The following PREX2 variants were observed in gnomAD, a reference collection of about 807,000 sequenced individuals.
PREX2 encodes phosphatidylinositol-3,4,5-trisphosphate dependent Rac exchange factor 2.
In PREX2, 107 loss-of-function variants were observed where a neutral mutation model predicts 203.2. The ratio of observed to expected loss-of-function variants is 0.53; its 90% CI spans 0.45 to 0.62. The LOEUF (loss-of-function observed/expected upper bound fraction) is 0.62, where lower values mean the gene tolerates loss of function less well. Ranked by LOEUF, PREX2 falls within the 20% of genes least tolerant of loss-of-function variation. The pLI is 0.00. For missense variants in PREX2, 1,777 were observed against 1,955.9 expected (o/e 0.91, Z 1.72); for synonymous variants, 672 against 663.6 (o/e 1.01, Z -0.19).
chr8:68,108,931 T>TGAAATAAGCCA (rs1312245181), intron 24 of PREX2: 2 of 328,230 alleles, frequency 6.1e-6, no homozygotes, highest in African/African-American at 4.4e-5. Context: ...TATGTTAAAG[T>TGAAATAAGCCA]GAAATAAGCC....
intron 32 of PREX2, among the ~76,000 whole-genome samples, chr8:68,134,547 C>T (rs1052543463): frequency 3.9e-5 from 6 of 152,176 alleles, no homozygotes; most frequent in African/African-American, 9.7e-5. Flanking sequence ...TATCCCTACA[C>T]GCTGACTGGA....
chr8:68,160,582 T>C (rs1055068774), intron 35 of PREX2, among the ~76,000 whole-genome samples: 7 of 152,158 alleles, frequency 4.6e-5, no homozygotes, highest in African/African-American at 1.7e-4. Context: ...CTAATATGTC[T>C]GTCTTGGACT....
intron 14 of PREX2, 94 bp downstream of exon 14, chr8:68,072,664 C>T: frequency 1.4e-6 from 1 of 708,482 alleles, no homozygotes; most frequent in Non-Finnish European, 2.5e-6. Context: ...TCATCTGTAG[C>T]AGGCATTTAA....
At chr8:68,217,852 A>G (rs1812874081) in intron 38 of PREX2, 134 bp downstream of exon 38, 5 of 521,904 alleles carry the variant, frequency 9.6e-6, no homozygotes, top group South Asian at 5.8e-5. Context: ...TAACTCATGA[A>G]TGAGAAATGC....
chr8:68,138,361 C>A, intron 32 of PREX2, 54 bp from the exon 33 acceptor site: 1 of 931,140 alleles, frequency 1.1e-6, no homozygotes, highest in Non-Finnish European at 1.6e-6. Flanking sequence ...TGTCATGTTA[C>A]GTTATATTGC....
chr8:68,023,292 A>G (rs1807622548), intron 4 of PREX2, among the ~76,000 whole-genome samples: 3 of 152,104 alleles, frequency 2.0e-5, no homozygotes, highest in Admixed American at 2.0e-4. Context: ...AACACTTGGC[A>G]TTTTCAGTTT....
chr8:68,039,189 C>T (rs1483299350), intron 7 of PREX2, among the ~76,000 whole-genome samples: 1 of 152,162 alleles, frequency 6.6e-6, no homozygotes, highest in Admixed American at 6.5e-5. Context: ...TACTTTCTCA[C>T]TTGCTATTCT....
At chr8:68,114,979 CTGAG>C (rs1016176507) in intron 25 of PREX2, among the ~76,000 whole-genome samples, 2 of 149,300 alleles carry the variant, frequency 1.3e-5, no homozygotes, top group South Asian at 2.1e-4. Flanking sequence ...TTAAAGATTA[CTGAG>C]TATTTTCTGT....
Position 68,083,372 on chromosome 8 carries a change from A to G in PREX2, c.2011A>G (p.Ser671Gly). The change falls in exon 18 of 40, where the codon AGC becomes GGC. Residue 671 changes from serine to glycine, a missense_variant. By Grantham distance (56) the Ser-to-Gly change is moderately conservative. Transcript: ENST00000288368. ...CAGAAAACCTCTAAGAGTTCTTGTG[A>G]GCACAAAGCCAAGAGAGTAAGTTGT... ...NSRKPLRVLV[S>G]TKPRETVKIP... The G allele has an allele frequency of 6.2e-7, 1 of 1,608,298 alleles. No individual in the cohort carries two copies. The highest frequency in any genetic ancestry group is 8.5e-7 in the Non-Finnish European group (1 of 1,176,378).
chr8:68,003,898 G>C (rs1430348873), intron 1 of PREX2, among the ~76,000 whole-genome samples: 5 of 141,496 alleles, frequency 3.5e-5, no homozygotes, highest in African/African-American at 5.3e-5. Context: ...CGCCAGGCTG[G>C]AGTGCAGTGG....
intron 1 of PREX2, among the ~76,000 whole-genome samples, chr8:67,974,414 T>A (rs1387967509): frequency 6.6e-6 from 1 of 151,886 alleles, no homozygotes; most frequent in Non-Finnish European, 1.5e-5. Flanking sequence ...TGAAAATTGA[T>A]GAACATTCTT....
intron 23 of PREX2, among the ~76,000 whole-genome samples, chr8:68,103,174 C>A (rs1332454856): frequency 6.6e-6 from 1 of 152,156 alleles, no homozygotes; most frequent in African/African-American, 2.4e-5. Context: ...TCCCTCCTTA[C>A]TTATTAATGC....
intron 25 of PREX2, chr8:68,114,301 G>A (rs748057799): frequency 3.9e-5 from 20 of 510,166 alleles, no homozygotes; most frequent in South Asian, 1.4e-4. Flanking sequence ...ATGCGTAAGA[G>A]GTATAAGATA....
At chr8:68,126,200 G>A (rs1393237298) in intron 30 of PREX2, among the ~76,000 whole-genome samples, 1 of 152,036 alleles carries the variant, frequency 6.6e-6, no homozygotes, top group African/African-American at 2.4e-5. Flanking sequence ...TTTCTTGACA[G>A]TGATAATTTA....
intron 1 of PREX2, among the ~76,000 whole-genome samples, chr8:67,959,359 T>C (rs1321742422): frequency 6.6e-6 from 1 of 152,062 alleles, no homozygotes; most frequent in African/African-American, 2.4e-5. Context: ...TCAGAACCAG[T>C]TGAGACACGA....
chr8:68,167,156 A>G (rs1007124161), intron 35 of PREX2, among the ~76,000 whole-genome samples: 7 of 152,056 alleles, frequency 4.6e-5, no homozygotes, highest in African/African-American at 1.7e-4. Flanking sequence ...AATAATTTTA[A>G]GCCACGATTC....
intron 1 of PREX2, among the ~76,000 whole-genome samples, chr8:67,973,758 T>G: frequency 6.6e-6 from 1 of 152,194 alleles, no homozygotes; most frequent in Admixed American, 6.5e-5. Context: ...TTATAAAACA[T>G]TATCATATTT....
At chr8:68,139,680 T>A (rs1318674808) in intron 33 of PREX2, among the ~76,000 whole-genome samples, 1 of 152,154 alleles carries the variant, frequency 6.6e-6, no homozygotes, top group African/African-American at 2.4e-5. Flanking sequence ...AGGGTAGCTG[T>A]GGAGATTATT....
intron 35 of PREX2, among the ~76,000 whole-genome samples, chr8:68,165,440 C>A (rs1811742650): frequency 6.6e-6 from 1 of 151,964 alleles, no homozygotes; most frequent in African/African-American, 2.4e-5. Flanking sequence ...TTTTTATCCC[C>A]CATCCCCTCG....
Sources: gnomAD v4.1 joint callset for allele counts (sites outside exome capture counted in the v4.1 genomes callset) on GRCh38, gnomAD v4.1.1 for gene constraint, MANE v1.5 for transcripts, NCBI Gene and HGNC (gene_info 2026-07-23, HGNC 2026-07-21) for gene names.